Variants in MEAF6 observed in about 807,000 individuals in gnomAD.
MEAF6 encodes the protein chromatin modification-related protein MEAF6.
A neutral mutation model predicts 28.9 loss-of-function variants in MEAF6; 15 were observed. The ratio of observed to expected loss-of-function variants is 0.52; its 90% confidence interval spans 0.35 to 0.80. The LOEUF (loss-of-function observed/expected upper bound fraction) is 0.80. MEAF6 is among the 30% of genes least tolerant of loss of function. The probability of loss-of-function intolerance (pLI) is 0.01; values close to 1 mark genes in which losing one functional copy is unlikely to be tolerated. For missense variants in MEAF6, 178 were observed against 237.5 expected (o/e 0.75, Z 1.65); for synonymous variants, 97 against 88.7 (o/e 1.09, Z -0.53).
intron 5 of MEAF6, among the ~76,000 whole-genome samples, chr1:37,498,494 A>T (rs111334546): frequency 0.02 from 3,065 of 151,700 alleles, 38 homozygotes; most frequent in Non-Finnish European, 0.029. Flanking sequence ...GAAGTGCAGT[A>T]GCTCACTGAA....
intron 2 of MEAF6, among the ~76,000 whole-genome samples, chr1:37,510,663 T>C (rs1642639948): frequency 6.6e-6 from 1 of 152,194 alleles, no homozygotes; most frequent in South Asian, 2.1e-4. Flanking sequence ...ATTACAGGTG[T>C]GAGCCACTGT....
chr1:37,496,601 A>G (rs1273354558), intron 5 of MEAF6: 3 of 1,522,960 alleles, frequency 2.0e-6, no homozygotes, highest in Non-Finnish European at 2.7e-6. Context: ...CCTAATATAC[A>G]TACCTACAAT....
intron 4 of MEAF6, among the ~76,000 whole-genome samples, chr1:37,508,274 CTTTTTTTT>C (rs577291632): frequency 1.7e-4 from 14 of 83,904 alleles, no homozygotes; most frequent in African/African-American, 3.1e-4. Context: ...ATGAGCATTT[CTTTTTTTT>C]TTTTTTTTTT....
intron 5 of MEAF6, chr1:37,496,605 C>A: frequency 1.3e-6 from 2 of 1,522,076 alleles, no homozygotes; most frequent in East Asian, 2.4e-5. Flanking sequence ...ATATACATAC[C>A]TACAATTAAA....
At position 37,506,270 on chromosome 1, in the gene MEAF6, CA is replaced by C. The variant is rs200220342; in HGVS notation, c.340+3007del. Among the ~76,000 whole-genome samples, 204 of 125,182 alleles carry C rather than the reference CA, an allele frequency of 1.6e-3. 1 individual carries two copies. The highest frequency in any genetic ancestry group is 5.3e-3 in the African/African-American group (169 of 31,854). The allele number at this position is 125,182 out of a possible 152,430, so 82.1% of individuals were successfully genotyped here. On this transcript the variant is annotated intron_variant, in intron 4 of 6. Coordinates refer to ENST00000296214, the MANE Select transcript of MEAF6 (RefSeq NM_001270875.3). ...TGGGCAATAAAGCGAGACTCCGTCTCAAAAAAAAAAAAACTTAGATGCCACT... is the reference window on the plus strand; with the variant it reads ...TGGGCAATAAAGCGAGACTCCGTCTCAAAAAAAAAAAACTTAGATGCCACT...
rs1459028610 is a variant in MEAF6 at position 37,493,496 on chromosome 1, T to A, written c.*603A>T. 6 of 452,288 alleles carry A rather than the reference T, an allele frequency of 1.3e-5. No homozygotes were observed. The highest frequency in any genetic ancestry group is 2.0e-5 in the African/African-American group (1 of 48,908). The allele number at this position is 452,288 out of a possible 1,614,324, so 28.0% of individuals were successfully genotyped here. ...CCCTTGCAAAAAACAGAGGCAAGTTTCCCATTTTACTTATGATAAACCAGA... is the reference window on the plus strand; with the variant it reads ...CCCTTGCAAAAAACAGAGGCAAGTTACCCATTTTACTTATGATAAACCAGA... On this transcript the variant is annotated 3_prime_UTR_variant, in exon 7 of 7. Coordinates refer to ENST00000296214, the MANE Select transcript of MEAF6 (RefSeq NM_001270875.3).
Position 37,492,467 on chromosome 1 carries a change from G to T in MEAF6, c.*1632C>A, listed in dbSNP as rs1388970392. 7.3e-6 allele frequency: 1 copy of T among 136,580 alleles called. No individual in the cohort carries two copies. Among genetic ancestry groups the T allele is most frequent in the African/African-American group, 2.7e-5 (1 of 36,520 alleles). 8.5% of individuals were successfully genotyped at this position (136,580 alleles called of 1,614,324 possible). A position where few individuals can be genotyped will look rare whatever the true frequency, so the allele number is the denominator to read the frequency against. ...TGCTTCTAGGATTTTTTTTTTTAAG[G>T]AATAATCTAAATATAAGAAACTATT... On this transcript the variant is annotated 3_prime_UTR_variant, in exon 7 of 7. Transcript: ENST00000296214.
chr1:37,497,178 A>C (rs542063425), intron 5 of MEAF6, among the ~76,000 whole-genome samples: 2 of 152,356 alleles, frequency 1.3e-5, no homozygotes, highest in South Asian at 4.1e-4. Context: ...AACACAGTCT[A>C]AACTTTAAAA....
intron 5 of MEAF6, chr1:37,496,832 C>CA: frequency 7.7e-7 from 1 of 1,298,668 alleles, no homozygotes; most frequent in Non-Finnish European, 1.0e-6. Flanking sequence ...ATTGTAGAAA[C>CA]AAAATCAGCT....
rs889481618 is a variant in MEAF6, at chr1:37,501,810, C to T, written c.527G>A (p.Arg176Gln). ...TGGGATCCCTGCCACTGACCTGTGC[C>T]GGTTTTTATTCTTTCGCTTTTTATG... ...SSHKKRKNKNRHRIDLKLNKK... is the reference protein window; with the variant it reads ...SSHKKRKNKNQHRIDLKLNKK... Residue 176 changes from arginine (R) to glutamine (Q), a missense_variant, in exon 5 of 7, where the codon CGG (arginine) becomes CAG (glutamine). Coordinates refer to ENST00000296214, the MANE Select transcript of MEAF6 (RefSeq NM_001270875.3). 1.9e-6 allele frequency: 3 copies of T among 1,584,260 alleles called. No homozygotes were observed. The highest frequency in any genetic ancestry group is 2.6e-6 in the Non-Finnish European group (3 of 1,159,142).
At position 37,509,486 on chromosome 1, in the gene MEAF6, A is replaced by T; in HGVS notation, c.263T>A (p.Leu88His). ...RNRKFKEAER[L>H]FSKSSVTSAA... is the part of the protein sequence containing the mutation. ...TGAGGTAACCGAGGATTTACTGAAGAGCCGCTCAGCTTCCTTAAACTTCCG... is the reference window on the plus strand; with the variant it reads ...TGAGGTAACCGAGGATTTACTGAAGTGCCGCTCAGCTTCCTTAAACTTCCG... The change falls in exon 3 of 7, where the codon CTC becomes CAC. Residue 88 changes from leucine to histidine, a missense_variant. By Grantham distance (99) the Leu-to-His change is moderately conservative. Coordinates refer to ENST00000296214, the MANE Select transcript of MEAF6 (RefSeq NM_001270875.3). The T allele has an allele frequency of 6.2e-7, 1 of 1,614,126 alleles. No individual in the cohort carries two copies. Among genetic ancestry groups the T allele is most frequent in the Non-Finnish European group, 8.5e-7 (1 of 1,180,004 alleles).
chr1:37,501,535 A>G (rs1642303568), intron 5 of MEAF6: 1 of 318,594 alleles, frequency 3.1e-6, no homozygotes, highest in Non-Finnish European at 5.7e-6. Flanking sequence ...AGTATTCCAT[A>G]TTCACCATAT....
Position 37,513,546 on chromosome 1 carries a change from A to T in MEAF6, c.91-8T>A, listed in dbSNP as rs1401478445. The T allele has an allele frequency of 1.3e-6, 2 of 1,597,762 alleles. No homozygotes were observed. Among genetic ancestry groups the T allele is most frequent in the Non-Finnish European group, 1.7e-6 (2 of 1,165,030 alleles). On this transcript the variant is annotated splice_polypyrimidine_tract_variant and splice_region_variant and intron_variant, in intron 1 of 6. Coordinates refer to ENST00000296214, the MANE Select transcript of MEAF6 (RefSeq NM_001270875.3). ...CAAATTTGCCAATGTTTCCTGAGAG[A>T]TGAAAAACAAGGACATGAATGATAC... is the stretch of plus-strand genomic sequence containing the variant.
Position 37,493,988 on chromosome 1 carries a change from G to C in MEAF6, c.*111C>G. 6.3e-7 allele frequency: 1 copy of C among 1,581,784 alleles called. No individual in the cohort carries two copies. The highest frequency in any genetic ancestry group is 8.6e-7 in the Non-Finnish European group (1 of 1,168,018). On this transcript the variant is annotated 3_prime_UTR_variant, in exon 7 of 7. Transcript: ENST00000296214. The stretch of plus-strand genomic sequence containing the variant: ...CTCAAAGTCACAGGCACTGGGTCTG[G>C]GAGAGCAGAGGTGGATGGCCACGAA...
chr1:37,507,378 A>T (rs1642520989), intron 4 of MEAF6, among the ~76,000 whole-genome samples: 1 of 151,596 alleles, frequency 6.6e-6, no homozygotes, highest in Non-Finnish European at 1.5e-5. Context: ...AACTCACAGG[A>T]GTGAGGTCCA....
At chr1:37,506,217 G>A (rs574195340) in intron 4 of MEAF6, among the ~76,000 whole-genome samples, 16 of 151,622 alleles carry the variant, frequency 1.1e-4, no homozygotes, top group African/African-American at 3.9e-4. Context: ...GTTGTGGTGA[G>A]CCAAGATAGT....
At chr1:37,502,487 G>C (rs1488455479) in intron 4 of MEAF6, among the ~76,000 whole-genome samples, 1 of 151,728 alleles carries the variant, frequency 6.6e-6, no homozygotes, top group African/African-American at 2.4e-5. Flanking sequence ...AAAAAAAAAG[G>C]GGGGGCCAAA....
chr1:37,490,069 T>C lies in MEAF6; in HGVS notation c.*4030A>G, dbSNP rs2148052529. Among the ~76,000 whole-genome samples, 1 of 152,274 alleles carries C rather than the reference T, an allele frequency of 6.6e-6. No individual in the cohort carries two copies. The highest frequency in any genetic ancestry group is 3.4e-3 in the Middle Eastern group (1 of 294). ...CTAATATTGATGTATATTTGATGTA[T>C]ATATATAAAATACATCCAAAGTGAG... is the stretch of plus-strand genomic sequence containing the variant. On this transcript the variant is annotated 3_prime_UTR_variant, in exon 7 of 7. Coordinates refer to ENST00000296214, the MANE Select transcript of MEAF6 (RefSeq NM_001270875.3).
At chr1:37,513,266 C>T (rs1642725057) in intron 2 of MEAF6, among the ~76,000 whole-genome samples, 157 bp downstream of exon 2, 1 of 152,130 alleles carries the variant, frequency 6.6e-6, no homozygotes, top group Non-Finnish European at 1.5e-5. Flanking sequence ...TAAGATTATT[C>T]GGTGAGGCAG....
Sources: gnomAD v4.1 joint callset for allele counts (sites outside exome capture counted in the v4.1 genomes callset) on GRCh38, gnomAD v4.1.1 for gene constraint, MANE v1.5 for transcripts, NCBI Gene and HGNC (gene_info 2026-07-23, HGNC 2026-07-21) for gene names.